The following FGD5 variants were observed in gnomAD, a reference collection of about 807,000 sequenced individuals.
FGD5 encodes the protein FYVE, RhoGEF and PH domain containing 5.
Under a neutral mutation model 133.4 loss-of-function variants are expected in FGD5, and 28 were observed. That is an observed-to-expected ratio of 0.21 (90% CI 0.16 to 0.29). The LOEUF (loss-of-function observed/expected upper bound fraction) is 0.29, where lower values mean the gene tolerates loss of function less well. Among genes scored for constraint, FGD5 ranks in the 10% least tolerant of loss-of-function variants. FGD5 has a pLI of 1.00. For missense variants in FGD5, 1,858 were observed against 1,895.2 expected, an observed-to-expected ratio of 0.98 and a Z score of 0.36; for synonymous variants, 810 against 776.5, an observed-to-expected ratio of 1.04 and a Z score of -0.72.
intron 9 of FGD5, among the ~76,000 whole-genome samples, chr3:14,907,313 T>G (rs1420698998): frequency 6.6e-6 from 1 of 152,216 alleles, no homozygotes; most frequent in East Asian, 1.9e-4. Flanking sequence ...AGGCCAGCCT[T>G]GGGTCCGATG....
In FGD5 at chr3:14,922,134, T is replaced by A; in HGVS notation, c.3669+117T>A. ...ACGTGTAGCTCCTGTCTTGGGGCACTGGCTCCCCCCACACCCCTGCCATGC... is the reference window on the plus strand; with the variant it reads ...ACGTGTAGCTCCTGTCTTGGGGCACAGGCTCCCCCCACACCCCTGCCATGC... On this transcript the variant is annotated intron_variant, in intron 14 of 19. Transcript: ENST00000285046. The surrounding 1 kb of genome is among the most constrained non-coding windows in gnomAD (Gnocchi z 4.1). The A allele has an allele frequency of 8.4e-7, 1 of 1,184,708 alleles. No homozygotes were observed. Among genetic ancestry groups the A allele is most frequent in the Non-Finnish European group, 1.2e-6 (1 of 830,656 alleles). The allele number at this position is 1,184,708 out of a possible 1,614,324, so 73.4% of individuals were successfully genotyped here.
intron 10 of FGD5, among the ~76,000 whole-genome samples, chr3:14,908,916 A>T (rs1227949967): frequency 6.6e-6 from 1 of 150,558 alleles, no homozygotes; most frequent in Non-Finnish European, 1.5e-5. Context: ...AATAAATAAA[A>T]AGGGAATTTA....
intron 2 of FGD5, among the ~76,000 whole-genome samples, chr3:14,879,747 C>T (rs1029900362): frequency 2.0e-5 from 3 of 152,126 alleles, no homozygotes; most frequent in African/African-American, 7.2e-5. Flanking sequence ...CCTAGCCCAG[C>T]CCGTTGAGCA....
chr3:14,872,468 A>T lies in FGD5; in HGVS notation c.2659-8104A>T, dbSNP rs575208961. On this transcript the variant is annotated intron_variant, in intron 2 of 19. Transcript: ENST00000285046. ...TGGCTAAAGCCTTTAGCAGGTGCTC[A>T]AAGCAGGTACTCAAAGCACCTGTTT... Among the ~76,000 whole-genome samples the T allele has an allele frequency of 6.6e-5, 10 of 152,334 alleles. No homozygotes were observed. The East Asian group carries it at 1.9e-3, about 29-fold the overall frequency.
chr3:14,824,007 C>G (rs928476245), intron 1 of FGD5, among the ~76,000 whole-genome samples: 2 of 152,244 alleles, frequency 1.3e-5, no homozygotes, highest in African/African-American at 4.8e-5. Flanking sequence ...ACGTTTGATG[C>G]TACAGCCTAG....
At chr3:14,900,308 C>G (rs559118619) in intron 7 of FGD5, 95 bp from the exon 8 acceptor site, 1 of 1,282,944 alleles carries the variant, frequency 7.8e-7, no homozygotes, top group African/African-American at 1.5e-5. Flanking sequence ...ATGCTTCATT[C>G]TTCCAACTCT....
chr3:14,912,909 C>A (rs1036715160), intron 11 of FGD5, among the ~76,000 whole-genome samples: 1 of 152,002 alleles, frequency 6.6e-6, no homozygotes, highest in Non-Finnish European at 1.5e-5. Context: ...GGTGGCGTGT[C>A]CCTGTAGTCC....
chr3:14,826,405 C>T (rs1173335717), intron 1 of FGD5, among the ~76,000 whole-genome samples: 6 of 152,222 alleles, frequency 3.9e-5, no homozygotes, highest in South Asian at 2.1e-4. Flanking sequence ...ATGAGGACAC[C>T]GTGGCCCGAG....
At chr3:14,880,839 G>C in intron 4 of FGD5, 67 bp downstream of exon 4, 1 of 1,576,394 alleles carries the variant, frequency 6.3e-7, no homozygotes, top group South Asian at 1.2e-5. Context: ...TAAGAGGCAG[G>C]AAAGCAATGT....
Position 14,933,200 on chromosome 3 carries a change from C to T in FGD5, c.*33C>T, listed in dbSNP as rs1184848178. Reference sequence around the variant, plus strand: ...CAAGCATGTGGACTTGTAACAAATTCTTAGGTCAATATGTGAATGCTTTTA... The same window carrying T: ...CAAGCATGTGGACTTGTAACAAATTTTTAGGTCAATATGTGAATGCTTTTA... On this transcript the variant is annotated 3_prime_UTR_variant, in exon 20 of 20. Coordinates refer to ENST00000285046, the MANE Select transcript of FGD5 (RefSeq NM_152536.4). 5 of 1,609,718 alleles carry T rather than the reference C, an allele frequency of 3.1e-6. No individual in the cohort carries two copies. Among genetic ancestry groups the T allele is most frequent in the Non-Finnish European group, 4.2e-6 (5 of 1,177,706 alleles).
chr3:14,914,478 G>A (rs2038514099), intron 11 of FGD5, among the ~76,000 whole-genome samples: 1 of 152,216 alleles, frequency 6.6e-6, no homozygotes, highest in South Asian at 2.1e-4. Flanking sequence ...AAATTAGGAC[G>A]TAGCCTGGTC....
Position 14,820,664 on chromosome 3 carries a change from G to A in FGD5, c.1593G>A (p.Leu531=), listed in dbSNP as rs1384079950. ...TTTTGTCATTGGAGGGGAAGCCCTT[G>A]GAAGCCAGCAGGGCCTTGCCAGCAA... ...KTLLSLEGKP[L]EASRALPAKP... is the part of the protein sequence containing the mutation. The change falls in exon 1 of 20, where the codon TTG becomes TTA. Residue 531 remains leucine (L), a synonymous_variant. Transcript: ENST00000285046. 1 of 1,598,646 alleles carries A rather than the reference G, an allele frequency of 6.3e-7. No individual in the cohort carries two copies. The highest frequency in any genetic ancestry group is 1.1e-5 in the South Asian group (1 of 88,306).
chr3:14,820,979 C>T lies in FGD5; in HGVS notation c.1908C>T (p.Leu636=), dbSNP rs1282675095. Reference sequence around the variant, plus strand: ...CCATCACAAAGAGCTCTCCCTCACTCCTGATCGAGAGCGACTCCCCGGACA... The same window carrying T: ...CCATCACAAAGAGCTCTCCCTCACTTCTGATCGAGAGCGACTCCCCGGACA... ...KKPITKSSPS[L]LIESDSPDKY... The change falls in exon 1 of 20, where the codon CTC becomes CTT. Residue 636 remains leucine, a synonymous_variant. Transcript: ENST00000285046. 3 of 1,613,802 alleles carry T rather than the reference C, an allele frequency of 1.9e-6. No individual in the cohort carries two copies. Among genetic ancestry groups the T allele is most frequent in the Non-Finnish European group, 2.5e-6 (3 of 1,179,882 alleles).
chr3:14,898,900 C>T, intron 7 of FGD5, 74 bp downstream of exon 7: 1 of 1,323,216 alleles, frequency 7.6e-7, no homozygotes, highest in Non-Finnish European at 1.1e-6. Context: ...GTGGAGGGGA[C>T]TGTGGTGACC....
chr3:14,818,104 A>G (rs1350520880), upstream of FGD5, among the ~76,000 whole-genome samples: 1 of 152,166 alleles, frequency 6.6e-6, no homozygotes, highest in East Asian at 1.9e-4. Flanking sequence ...TTCCAGTTGC[A>G]TTGTAGTCTG....
chr3:14,908,829 G>A (rs967269552), intron 10 of FGD5, among the ~76,000 whole-genome samples: 2 of 151,474 alleles, frequency 1.3e-5, no homozygotes, highest in African/African-American at 4.8e-5. Context: ...GCAGTGAGCC[G>A]AGATCGCGCC....
At chr3:14,869,284 A>T (rs1479885127) in intron 2 of FGD5, among the ~76,000 whole-genome samples, 2 of 151,906 alleles carry the variant, frequency 1.3e-5, no homozygotes, top group African/African-American at 2.4e-5. Flanking sequence ...ACAGAGCAAG[A>T]CTCTGTCTTA....
chr3:14,867,346 A>G (rs1374385461), intron 2 of FGD5, among the ~76,000 whole-genome samples: 1 of 152,186 alleles, frequency 6.6e-6, no homozygotes, highest in Non-Finnish European at 1.5e-5. Flanking sequence ...TTCTGGCTGC[A>G]TAGTATTCCA....
chr3:14,873,743 T>A (rs1366065358), intron 2 of FGD5, among the ~76,000 whole-genome samples: 1 of 151,996 alleles, frequency 6.6e-6, no homozygotes, highest in African/African-American at 2.4e-5. Context: ...TCTTTTTTTT[T>A]TTTGAGACAG....
Sources: gnomAD v4.1 joint callset for allele counts (sites outside exome capture counted in the v4.1 genomes callset) on GRCh38, gnomAD v4.1.1 for gene constraint, Gnocchi (gnomAD v3.1) non-coding constraint, MANE v1.5 for transcripts, NCBI Gene and HGNC (gene_info 2026-07-23, HGNC 2026-07-21) for gene names.